SLC12A1: variants seen among roughly 807,000 people sequenced by gnomAD.
SLC12A1 encodes the protein solute carrier family 12 member 1.
SLC12A1 carries 89 observed loss-of-function variants against 130.4 expected under a neutral mutation model. The ratio of observed to expected loss-of-function variants is 0.68; its 90% CI spans 0.58 to 0.81. SLC12A1 has a LOEUF of 0.81. Ranked by LOEUF, SLC12A1 falls within the 40% of genes least tolerant of loss-of-function variation. The probability of loss-of-function intolerance (pLI) is 0.00; values close to 1 mark genes in which losing one functional copy is unlikely to be tolerated. For missense variants in SLC12A1, 1,310 were observed against 1,336.4 expected, an observed-to-expected ratio of 0.98 and a Z score of 0.31; for synonymous variants, 499 against 460.0, an observed-to-expected ratio of 1.08 and a Z score of -1.09.
Position 48,241,582 on chromosome 15 carries a change from G to A in SLC12A1, c.1283G>A (p.Gly428Glu), listed in dbSNP as rs752272503. Residue 428 changes from glycine (G) to glutamate (E), a missense_variant, in exon 10 of 27, where the codon GGG (glycine) becomes GAG (glutamate). Gly to Glu is a moderately conservative substitution (Grantham distance 98, BLOSUM62 -2). Transcript: ENST00000380993. ...TTCATCACCACTGTTGCCTACTTAGGGGTTGCAATTTGTGTAGGTAAGTGG... is the reference window on the plus strand; with the variant it reads ...TTCATCACCACTGTTGCCTACTTAGAGGTTGCAATTTGTGTAGGTAAGTGG... ...AIFITTVAYL[G>E]VAICVGACVV... 1 of 1,613,440 alleles carries A rather than the reference G, an allele frequency of 6.2e-7. No individual in the cohort carries two copies. The highest frequency in any genetic ancestry group is 2.2e-5 in the East Asian group (1 of 44,890).
intron 2 of SLC12A1, among the ~76,000 whole-genome samples, chr15:48,208,533 G>A (rs2041010269): frequency 1.3e-5 from 2 of 152,026 alleles, no homozygotes; most frequent in African/African-American, 4.8e-5. Flanking sequence ...AGCTGGTCTC[G>A]AACTCCTGAC....
chr15:48,221,540 T>C (rs963758326), intron 4 of SLC12A1: 11 of 584,138 alleles, frequency 1.9e-5, no homozygotes, highest in African/African-American at 7.4e-5. Flanking sequence ...AAGTGAAAGA[T>C]GAAATGACTA....
rs1410432392 is a variant in SLC12A1, at chr15:48,244,841, G to A, written c.1389G>A (p.Leu463=). The A allele has an allele frequency of 6.2e-7, 1 of 1,613,914 alleles. No individual in the cohort carries two copies. The highest frequency in any genetic ancestry group is 1.7e-5 in the Admixed American group (1 of 60,014). The change falls in exon 11 of 27, where the codon TTG becomes TTA. Residue 463 remains leucine (L), a synonymous_variant. Coordinates refer to ENST00000380993, the MANE Select transcript of SLC12A1 (RefSeq NM_000338.3). ...MNCNGSAACG[L]GYDFSRCRHE... ...GCAATGGTTCAGCAGCATGTGGGTT[G>A]GGCTATGACTTCTCAAGATGTCGAC... is the stretch of plus-strand genomic sequence containing the variant.
At position 48,261,089 on chromosome 15, in the gene SLC12A1, C is replaced by A. The variant is rs35916274; in HGVS notation, c.2154+1778C>A. Reference sequence around the variant, plus strand: ...TCTCTCATATTATCAACTCTGGTGCCCTGGATTGGTGGATTTCATTTTGGC... The same window carrying A: ...TCTCTCATATTATCAACTCTGGTGCACTGGATTGGTGGATTTCATTTTGGC... On this transcript the variant is annotated intron_variant, in intron 17 of 26. Coordinates refer to ENST00000380993, the MANE Select transcript of SLC12A1 (RefSeq NM_000338.3). 4.9e-3 allele frequency among the ~76,000 whole-genome samples: 742 copies of A among 152,102 alleles called. 8 individuals carry two copies. The highest frequency in any genetic ancestry group is 0.044 in the Middle Eastern group (13 of 294).
chr15:48,265,285 A>T (rs1455960103), intron 17 of SLC12A1, among the ~76,000 whole-genome samples: 1 of 152,202 alleles, frequency 6.6e-6, no homozygotes, highest in Non-Finnish European at 1.5e-5. Flanking sequence ...ATTAATGTTT[A>T]ATCTGGATTT....
At chr15:48,293,723 G>A (rs1458500007) in intron 24 of SLC12A1, among the ~76,000 whole-genome samples, 1 of 152,086 alleles carries the variant, frequency 6.6e-6, no homozygotes, top group African/African-American at 2.4e-5. Context: ...TCCTTCCAAG[G>A]AGATGGGTCA....
intron 3 of SLC12A1, 59 bp downstream of exon 3, chr15:48,220,824 A>G: frequency 6.2e-7 from 1 of 1,611,716 alleles, no homozygotes; most frequent in Non-Finnish European, 8.5e-7. Flanking sequence ...TAGTGGATTA[A>G]GAGTGAACAA....
chr15:48,286,390 C>A lies in SLC12A1; in HGVS notation c.2629+1141C>A, dbSNP rs148957148. ...AATTCAACTTGAAGCTACATCAGGA[C>A]TTTTAGGGTGAAAATATTTAAATAA... On this transcript the variant is annotated intron_variant, in intron 21 of 26. Transcript: ENST00000380993. 1.2e-4 allele frequency among the ~76,000 whole-genome samples: 19 copies of A among 152,308 alleles called. No homozygotes were observed. In the East Asian group the frequency reaches 3.5e-3, roughly 28 times the overall value.
intron 24 of SLC12A1, among the ~76,000 whole-genome samples, chr15:48,296,655 C>T (rs896334741): frequency 4.6e-5 from 7 of 152,022 alleles, no homozygotes; most frequent in Admixed American, 1.3e-4. Flanking sequence ...TTATGAGGAA[C>T]AAGGATGAGG....
intron 23 of SLC12A1, among the ~76,000 whole-genome samples, chr15:48,290,093 C>A (rs1293714241): frequency 6.6e-6 from 1 of 152,004 alleles, no homozygotes; most frequent in Non-Finnish European, 1.5e-5. Context: ...TTCTTTATAT[C>A]CTTATTCTAT....
Position 48,291,516 on chromosome 15 carries a change from A to C in SLC12A1, c.2874-262A>C, listed in dbSNP as rs191549219. On this transcript the variant is annotated intron_variant, in intron 23 of 26. Coordinates refer to ENST00000380993, the MANE Select transcript of SLC12A1 (RefSeq NM_000338.3). The stretch of plus-strand genomic sequence containing the variant: ...AGATTTGCATTCTGTTCCCTGTGAC[A>C]TAAATGCAGAGTTGGATTGGCTGTT... Among the ~76,000 whole-genome samples, 702 of 152,290 alleles carry C rather than the reference A, an allele frequency of 4.6e-3. 3 individuals are homozygous for C. Among genetic ancestry groups the C allele is most frequent in the Non-Finnish European group, 7.6e-3 (516 of 68,020 alleles).
intron 2 of SLC12A1, among the ~76,000 whole-genome samples, 161 bp from the exon 3 acceptor site, chr15:48,220,473 C>CA (rs1316600057): frequency 2.6e-5 from 4 of 151,900 alleles, no homozygotes; most frequent in Non-Finnish European, 4.4e-5. Context: ...GCTTCCAGGG[C>CA]AAAAAATATA....
In SLC12A1 at chr15:48,220,514, GT is replaced by G. The variant is rs575352814; in HGVS notation, c.421-117del. 187 of 975,696 alleles carry G rather than the reference GT, an allele frequency of 1.9e-4. No individual in the cohort carries two copies. The African/African-American group carries it at 2.8e-3, about 15-fold the overall frequency. The allele number at this position is 975,696 out of a possible 1,614,324, so 60.4% of individuals were successfully genotyped here. A position where few individuals can be genotyped will look rare whatever the true frequency, so the allele number is the denominator to read the frequency against. On this transcript the variant is annotated intron_variant, in intron 2 of 26. Transcript: ENST00000380993. ...CATTAAAATTCTCAGAATATATTTA[GT>G]TTGGGGGTTTTTTGGTATTTTAAGT...
At chr15:48,272,590 C>T (rs560604685) in intron 19 of SLC12A1, among the ~76,000 whole-genome samples, 2 of 152,166 alleles carry the variant, frequency 1.3e-5, no homozygotes, top group South Asian at 4.1e-4. Flanking sequence ...CCATGCCCAG[C>T]TAATTTTTAT....
At position 48,288,168 on chromosome 15, in the gene SLC12A1, G is replaced by A; in HGVS notation, c.2755G>A (p.Asp919Asn). Residue 919 changes from aspartate to asparagine, a missense_variant, in exon 22 of 27, where the codon GAT (aspartate) becomes AAT (asparagine). Transcript: ENST00000380993. ...AATTGATGTTTGGTGGTTGTTTGAT[G>A]ATGGAGGTAAAAACTTTCAGAAAAT... ...GTIDVWWLFD[D>N]GGLTLLIPYI... 1 of 1,608,584 alleles carries A rather than the reference G, an allele frequency of 6.2e-7. No individual in the cohort carries two copies. Among genetic ancestry groups the A allele is most frequent in the South Asian group, 1.1e-5 (1 of 89,676 alleles).
At chr15:48,267,793 C>A in intron 18 of SLC12A1, 92 bp downstream of exon 18, 1 of 1,383,802 alleles carries the variant, frequency 7.2e-7, no homozygotes, top group Non-Finnish European at 1.0e-6. Flanking sequence ...TGTAGTTAGG[C>A]AGCCAAGCAT....
intron 19 of SLC12A1, among the ~76,000 whole-genome samples, chr15:48,272,160 A>AG (rs2041905077): frequency 1.3e-5 from 2 of 152,208 alleles, no homozygotes; most frequent in Non-Finnish European, 2.9e-5. Flanking sequence ...GTTCAATATT[A>AG]GGGTGACCCA....
At chr15:48,213,179 T>A (rs1466777070) in intron 2 of SLC12A1, among the ~76,000 whole-genome samples, 3 of 152,038 alleles carry the variant, frequency 2.0e-5, no homozygotes, top group Non-Finnish European at 2.9e-5. Flanking sequence ...GACTCCAGAG[T>A]CCTTGATCTT....
chr15:48,266,836 A>G (rs2041836861), intron 17 of SLC12A1, among the ~76,000 whole-genome samples: 1 of 152,224 alleles, frequency 6.6e-6, no homozygotes, highest in South Asian at 2.1e-4. Context: ...TTCATTAAAA[A>G]TGTGTTTCCA....
Sources: gnomAD v4.1 joint callset for allele counts (sites outside exome capture counted in the v4.1 genomes callset) on GRCh38, gnomAD v4.1.1 for gene constraint, MANE v1.5 for transcripts, NCBI Gene and HGNC (gene_info 2026-07-23, HGNC 2026-07-21) for gene names.